DNAJB6: variants seen among roughly 807,000 people sequenced by gnomAD.
The protein encoded by DNAJB6 is dnaJ homolog subfamily B member 6.
In DNAJB6, 16 loss-of-function variants were observed where a neutral mutation model predicts 42.7. That is an observed-to-expected ratio of 0.37 (90% CI 0.25 to 0.57). The LOEUF (loss-of-function observed/expected upper bound fraction) is 0.57, where lower values mean the gene tolerates loss of function less well. Ranked by LOEUF, DNAJB6 falls within the 20% of genes least tolerant of loss-of-function variation. DNAJB6 has a pLI of 0.74. For missense variants in DNAJB6, 347 were observed against 416.8 expected (o/e 0.83, Z 1.46); for synonymous variants, 170 against 163.5 (o/e 1.04, Z -0.30).
intron 8 of DNAJB6, among the ~76,000 whole-genome samples, chr7:157,407,100 G>A (rs370524982): frequency 2.0e-5 from 3 of 151,684 alleles, no homozygotes; most frequent in African/African-American, 7.2e-5. Context: ...GCTGGGAGGT[G>A]GGGGGGGTCC....
intron 1 of DNAJB6, among the ~76,000 whole-genome samples, chr7:157,356,472 TG>T (rs1239660782): frequency 6.6e-6 from 1 of 152,194 alleles, no homozygotes; most frequent in Non-Finnish European, 1.5e-5. Context: ...TGGTCGGACC[TG>T]TGTGGCTTGA....
chr7:157,358,135 C>T (rs1235126468), intron 1 of DNAJB6, among the ~76,000 whole-genome samples: 1 of 152,116 alleles, frequency 6.6e-6, no homozygotes, highest in Non-Finnish European at 1.5e-5. Flanking sequence ...GTCCTTGGAG[C>T]CCCGTGGTCT....
chr7:157,362,883 C>T (rs1021072783), intron 2 of DNAJB6, among the ~76,000 whole-genome samples: 5 of 152,204 alleles, frequency 3.3e-5, no homozygotes, highest in African/African-American at 1.2e-4. Context: ...GATCATAGCT[C>T]ACTGTAGCCT....
intron 8 of DNAJB6, among the ~76,000 whole-genome samples, chr7:157,407,456 A>G (rs1412582320): frequency 2.6e-5 from 4 of 152,266 alleles, no homozygotes; most frequent in Non-Finnish European, 5.9e-5. Flanking sequence ...TTGGCAAAGT[A>G]TAATTCTTAA....
chr7:157,363,177 C>T lies in DNAJB6; in HGVS notation c.82C>T (p.Leu28=). 6.2e-7 allele frequency: 1 copy of T among 1,607,972 alleles called. No homozygotes were observed. The highest frequency in any genetic ancestry group is 1.3e-5 in the African/African-American group (1 of 74,966). ...CTTTCCAAGATATCGGAAACTGGCA[C>T]TGAAGTGGCATCCAGATAAAAATCC... ...DIKKAYRKLA[L]KWHPDKNPEN... The change falls in exon 3 of 10, where the codon CTG becomes TTG. Residue 28 remains leucine (L), a synonymous_variant. Coordinates refer to ENST00000262177, the MANE Select transcript of DNAJB6 (RefSeq NM_058246.4).
chr7:157,383,611 TTGTGTGTGTGTGTGTGTGTGTGTGTG>T (rs57002445), intron 6 of DNAJB6, among the ~76,000 whole-genome samples: 1 of 149,570 alleles, frequency 6.7e-6, no homozygotes, highest in African/African-American at 2.5e-5. Context: ...GTATGTGTGT[TTGTGTGTGTGTGTGTGTGTGTGTGTG>T]TGTGTGGTGG....
intron 1 of DNAJB6, among the ~76,000 whole-genome samples, chr7:157,342,384 C>T (rs1798444234): frequency 8.4e-6 from 1 of 119,368 alleles, no homozygotes; most frequent in African/African-American, 3.3e-5. Flanking sequence ...GTTGCCCAGG[C>T]TGGAGTGCAG....
Position 157,385,631 on chromosome 7 carries a change from C to G in DNAJB6, c.691+20C>G. 1 of 1,613,538 alleles carries G rather than the reference C, an allele frequency of 6.2e-7. No individual in the cohort carries two copies. Reference sequence around the variant, plus strand: ...TAAATGGTAAGGAGCAGCTGCTGCGCTTGGATAACAAGTAATTCAACGCAC... The same window carrying G: ...TAAATGGTAAGGAGCAGCTGCTGCGGTTGGATAACAAGTAATTCAACGCAC... On this transcript the variant is annotated intron_variant, in intron 8 of 9. Coordinates refer to ENST00000262177, the MANE Select transcript of DNAJB6 (RefSeq NM_058246.4).
intron 5 of DNAJB6, among the ~76,000 whole-genome samples, chr7:157,368,297 G>A (rs1366041329): frequency 1.3e-5 from 2 of 152,210 alleles, no homozygotes; most frequent in African/African-American, 4.8e-5. Context: ...GGGTGCGAGT[G>A]TCTTGGAAAC....
intron 1 of DNAJB6, among the ~76,000 whole-genome samples, chr7:157,355,245 C>T (rs563074880): frequency 2.0e-5 from 3 of 152,300 alleles, no homozygotes; most frequent in Non-Finnish European, 4.4e-5. Flanking sequence ...CTGCAGGCTC[C>T]GCCTCCCGGG....
Position 157,409,755 on chromosome 7 carries a change from C to G in DNAJB6, c.692-40C>G, listed in dbSNP as rs957594390. Reference sequence around the variant, plus strand: ...TGCTCTGGATGGGGGCCGGCCGCCGCCGCTCACTCACGGCTCTCTCTCTCC... The same window carrying G: ...TGCTCTGGATGGGGGCCGGCCGCCGGCGCTCACTCACGGCTCTCTCTCTCC... On this transcript the variant is annotated intron_variant, in intron 8 of 9. Transcript: ENST00000262177. 23 of 1,487,944 alleles carry G rather than the reference C, an allele frequency of 1.5e-5. No individual in the cohort carries two copies. The African/African-American group carries it at 3.1e-4, about 20-fold the overall frequency. The allele number at this position is 1,487,944 out of a possible 1,614,324, so 92.2% of individuals were successfully genotyped here.
intron 9 of DNAJB6, chr7:157,410,499 C>T (rs80196145): frequency 2.3e-4 from 42 of 181,566 alleles, no homozygotes; most frequent in African/African-American, 8.6e-4. Flanking sequence ...CCGCCCACCC[C>T]CCGTGGGGTT....
In DNAJB6 at chr7:157,396,621, G is replaced by A. The variant is rs146256100; in HGVS notation, c.691+11010G>A. On this transcript the variant is annotated intron_variant, in intron 8 of 9. Coordinates refer to ENST00000262177, the MANE Select transcript of DNAJB6 (RefSeq NM_058246.4). ...GGGCCCCCTCCTCTGCTCTCAGTGT[G>A]AGAGTCCACTCTCTCTGCTGCCCTC... Among the ~76,000 whole-genome samples, 31 of 152,308 alleles carry A rather than the reference G, an allele frequency of 2.0e-4. 2 individuals carry two copies. The East Asian group carries it at 6.0e-3, about 29-fold the overall frequency.
chr7:157,397,991 A>G (rs1387652611), intron 8 of DNAJB6, among the ~76,000 whole-genome samples: 1 of 152,234 alleles, frequency 6.6e-6, no homozygotes, highest in African/African-American at 2.4e-5. Flanking sequence ...CAGTCTGGGC[A>G]GCAGAGCGAG....
intron 1 of DNAJB6, among the ~76,000 whole-genome samples, chr7:157,348,508 A>G (rs2116889474): frequency 6.6e-6 from 1 of 152,210 alleles, no homozygotes; most frequent in Admixed American, 6.5e-5. Flanking sequence ...TTGGAGAAGG[A>G]CCCTAAACAG....
At chr7:157,380,056 T>G (rs532815215) in intron 5 of DNAJB6, 1 of 152,208 alleles carries the variant, frequency 6.6e-6, no homozygotes, top group African/African-American at 2.4e-5. Flanking sequence ...TCAAGTGATC[T>G]GCCCGCCTCG....
At chr7:157,353,619 G>GTGTGTA (rs765489885) in intron 1 of DNAJB6, among the ~76,000 whole-genome samples, 77 of 146,984 alleles carry the variant, frequency 5.2e-4, no homozygotes, top group African/African-American at 1.6e-3. Flanking sequence ...GTGTGTGTGT[G>GTGTGTA]TGTATGTATT....
intron 8 of DNAJB6, among the ~76,000 whole-genome samples, chr7:157,402,571 G>T (rs984484479): frequency 1.3e-5 from 2 of 152,256 alleles, no homozygotes; most frequent in Admixed American, 6.5e-5. Flanking sequence ...AGGCTGGCCA[G>T]ACCACTCACA....
At chr7:157,407,451 A>G (rs999246384) in intron 8 of DNAJB6, among the ~76,000 whole-genome samples, 1 of 152,220 alleles carries the variant, frequency 6.6e-6, no homozygotes, top group African/African-American at 2.4e-5. Context: ...TTTAGTTGGC[A>G]AAGTATAATT....
Sources: allele counts gnomAD v4.1 joint callset (sites outside exome capture counted in the v4.1 genomes callset), GRCh38; gene constraint gnomAD v4.1.1; transcripts MANE v1.5; gene names NCBI Gene and HGNC (gene_info 2026-07-23, HGNC 2026-07-21).